INPP4B: variants seen among roughly 807,000 people sequenced by gnomAD.
INPP4B encodes inositol polyphosphate 4-phosphatase type II.
A neutral mutation model predicts 122.5 loss-of-function variants in INPP4B; 55 were observed. That is an observed-to-expected ratio of 0.45 (90% CI 0.36 to 0.56). INPP4B has a LOEUF of 0.56. Ranked by LOEUF, INPP4B falls within the 20% of genes least tolerant of loss-of-function variation. INPP4B has a pLI of 0.00. For synonymous variants in INPP4B, 403 were observed against 388.7 expected, an observed-to-expected ratio of 1.04 and a Z score of -0.43; for missense variants, 1,000 against 1,097.7, an observed-to-expected ratio of 0.91 and a Z score of 1.26.
intron 7 of INPP4B, among the ~76,000 whole-genome samples, chr4:142,372,403 G>A (rs1004620252): frequency 2.0e-5 from 3 of 152,032 alleles, no homozygotes; most frequent in Non-Finnish European, 2.9e-5. Flanking sequence ...GATTTGAAAT[G>A]CTCCCCACAC....
At position 142,146,754 on chromosome 4, in the gene INPP4B, T is replaced by C. The variant is rs555640900; in HGVS notation, c.1564-758A>G. ...ATAAATTGAAATTTTGACAAATTGC[T>C]CAGATACTTCTGACCATACTGTCTT... is the stretch of plus-strand genomic sequence containing the variant. On this transcript the variant is annotated intron_variant, in intron 17 of 25. Coordinates refer to ENST00000262992, the MANE Select transcript of INPP4B (RefSeq NM_001101669.3). 6.0e-4 allele frequency among the ~76,000 whole-genome samples: 91 copies of C among 152,286 alleles called. No homozygotes were observed. The South Asian group carries it at 0.015, about 26-fold the overall frequency.
intron 7 of INPP4B, among the ~76,000 whole-genome samples, chr4:142,337,271 G>A (rs1019273496): frequency 1.3e-5 from 2 of 151,926 alleles, no homozygotes; most frequent in Admixed American, 1.3e-4. Flanking sequence ...CTGCTGCTAT[G>A]AAATTCTTGC....
Position 142,124,745 on chromosome 4 carries a change from T to C in INPP4B, c.1736A>G (p.Gln579Arg), listed in dbSNP as rs1183673525. 6.4e-7 allele frequency: 1 copy of C among 1,571,080 alleles called. No homozygotes were observed. Among genetic ancestry groups the C allele is most frequent in the Admixed American group, 1.8e-5 (1 of 56,972 alleles). Residue 579 changes from glutamine to arginine, a missense_variant, in exon 19 of 26, where the codon CAG becomes CGG. Transcript: ENST00000262992. The part of the protein sequence containing the change: ...PSHPREDWYE[Q>R]LYPLILTLKD... ...CAGGGTAAGGATGAGGGGATACAAC[T>C]GTTCATACCAGTCCTCTGGGGGAAG...
intron 15 of INPP4B, among the ~76,000 whole-genome samples, chr4:142,183,337 C>T (rs1360712259): frequency 1.3e-5 from 2 of 152,110 alleles, no homozygotes; most frequent in Admixed American, 6.5e-5. Context: ...TAATGTAAGC[C>T]TCATCACAAG....
chr4:142,227,558 A>G (rs750874195), intron 12 of INPP4B, among the ~76,000 whole-genome samples: 5 of 152,182 alleles, frequency 3.3e-5, no homozygotes, highest in African/African-American at 4.8e-5. Flanking sequence ...TCATGTATTC[A>G]TGAAAAATTT....
chr4:142,235,432 A>AT (rs922705727), intron 12 of INPP4B, among the ~76,000 whole-genome samples: 19 of 151,718 alleles, frequency 1.3e-4, no homozygotes, highest in African/African-American at 4.6e-4. Flanking sequence ...TTATTTATTT[A>AT]TTTTTTTGAG....
At chr4:142,531,844 G>T (rs886781750) in intron 2 of INPP4B, among the ~76,000 whole-genome samples, 1 of 152,108 alleles carries the variant, frequency 6.6e-6, no homozygotes, top group East Asian at 1.9e-4. Flanking sequence ...CCAGTTCTTA[G>T]TTGCTTCTCA....
At chr4:142,607,370 ACT>A (rs1473696247) in intron 2 of INPP4B, among the ~76,000 whole-genome samples, 4 of 152,032 alleles carry the variant, frequency 2.6e-5, no homozygotes, top group Admixed American at 2.6e-4. Context: ...ATTACTATAC[ACT>A]CTGAACATCC....
intron 9 of INPP4B, among the ~76,000 whole-genome samples, chr4:142,299,212 A>G (rs1760251212): frequency 7.8e-6 from 1 of 127,884 alleles, no homozygotes; most frequent in Non-Finnish European, 1.5e-5. Flanking sequence ...AGGCTGGAGT[A>G]TAGTAGTACG....
intron 7 of INPP4B, among the ~76,000 whole-genome samples, chr4:142,380,151 T>C (rs527707586): frequency 6.6e-6 from 1 of 152,200 alleles, no homozygotes; most frequent in Non-Finnish European, 1.5e-5. Flanking sequence ...AGATCCACTG[T>C]GAAACATGAA....
At chr4:142,727,913 T>C (rs1765544454) in intron 1 of INPP4B, among the ~76,000 whole-genome samples, 1 of 152,138 alleles carries the variant, frequency 6.6e-6, no homozygotes, top group Non-Finnish European at 1.5e-5. Context: ...TAGCTGAACT[T>C]GTGCACACGG....
chr4:142,683,474 C>T (rs565937391), intron 2 of INPP4B, among the ~76,000 whole-genome samples: 26 of 151,900 alleles, frequency 1.7e-4, no homozygotes, highest in South Asian at 1.2e-3. Flanking sequence ...CTTCCAAGGG[C>T]CATCAGAGAA....
chr4:142,282,556 C>T (rs942099820), intron 9 of INPP4B, among the ~76,000 whole-genome samples: 8 of 152,104 alleles, frequency 5.3e-5, no homozygotes, highest in Non-Finnish European at 7.4e-5. Context: ...GAAAAATCCA[C>T]GTTATAACTA....
At chr4:142,036,389 C>G (rs1743986117) in intron 25 of INPP4B, among the ~76,000 whole-genome samples, 1 of 151,972 alleles carries the variant, frequency 6.6e-6, no homozygotes, top group African/African-American at 2.4e-5. Flanking sequence ...ATAAATTTAG[C>G]TTAACATATT....
At chr4:142,166,595 A>G (rs1446544230) in intron 16 of INPP4B, among the ~76,000 whole-genome samples, 2 of 151,958 alleles carry the variant, frequency 1.3e-5, no homozygotes, top group East Asian at 3.9e-4. Context: ...TCAACAGAGT[A>G]AACAGACCAC....
intron 2 of INPP4B, among the ~76,000 whole-genome samples, chr4:142,670,157 T>A (rs896157872): frequency 6.6e-6 from 1 of 152,162 alleles, no homozygotes; most frequent in Non-Finnish European, 1.5e-5. Flanking sequence ...AGTTATCAGA[T>A]CAAAAAAACA....
chr4:142,263,332 T>C (rs1185057726), intron 10 of INPP4B, among the ~76,000 whole-genome samples: 1 of 152,158 alleles, frequency 6.6e-6, no homozygotes, highest in African/African-American at 2.4e-5. Flanking sequence ...CTTTGACTAC[T>C]TCAAAAGTTG....
At chr4:142,819,173 G>A (rs971387110) in intron 1 of INPP4B, among the ~76,000 whole-genome samples, 3 of 152,108 alleles carry the variant, frequency 2.0e-5, no homozygotes, top group Non-Finnish European at 4.4e-5. Flanking sequence ...AACTGAGGAC[G>A]CAGTATATAC....
intron 5 of INPP4B, among the ~76,000 whole-genome samples, chr4:142,420,341 A>G (rs141420651): frequency 4.4e-4 from 67 of 152,202 alleles, no homozygotes; most frequent in African/African-American, 1.6e-3. Flanking sequence ...TGGGAGAGAA[A>G]AGTTTGAGGT....
Sources: gnomAD v4.1 joint callset for allele counts (sites outside exome capture counted in the v4.1 genomes callset) on GRCh38, gnomAD v4.1.1 for gene constraint, MANE v1.5 for transcripts, NCBI Gene and HGNC (gene_info 2026-07-23, HGNC 2026-07-21) for gene names.